Variants in ARHGEF6 observed in about 807,000 individuals in gnomAD.
ARHGEF6 encodes Rac/Cdc42 guanine nucleotide exchange factor 6, also known as rho guanine nucleotide exchange factor 6.
A neutral mutation model predicts 70.3 loss-of-function variants in ARHGEF6; 9 were observed. That is an observed-to-expected ratio of 0.13 (90% CI 0.08 to 0.22). The LOEUF (loss-of-function observed/expected upper bound fraction) is 0.22. Ranked by LOEUF, ARHGEF6 falls within the 10% of genes least tolerant of loss-of-function variation. The pLI, the probability that ARHGEF6 is intolerant of heterozygous loss-of-function variation, is 1.00. For synonymous variants in ARHGEF6, 201 were observed against 207.8 expected, an observed-to-expected ratio of 0.97 and a Z score of 0.28; for missense variants, 470 against 563.0, an observed-to-expected ratio of 0.83 and a Z score of 1.67.
In ARHGEF6 at chrX:136,780,932, T is replaced by A. The variant is rs1377307776; in HGVS notation, c.-50A>T. 2.5e-6 allele frequency: 3 copies of A among 1,209,781 alleles called. No homozygotes were observed. Among genetic ancestry groups the A allele is most frequent in the Non-Finnish European group, 3.4e-6 (3 of 894,738 alleles). ...AGCACTCTGGGGCAGCTGCAAGGAC[T>A]AAGCCACATCCGCGATTGCATCTGC... On this transcript the variant is annotated 5_prime_UTR_variant, in exon 1 of 22. Transcript: ENST00000250617.
At chrX:136,687,877 C>G in intron 11 of ARHGEF6, 55 bp downstream of exon 11, 1 of 1,039,110 alleles carries the variant, frequency 9.6e-7, no homozygotes, top group South Asian at 1.9e-5. Context: ...ACAAATCGCT[C>G]TTTCAGGAAT....
intron 6 of ARHGEF6, among the ~76,000 whole-genome samples, chrX:136,726,602 G>A (rs1210069676): frequency 8.9e-6 from 1 of 111,939 alleles, no homozygotes; most frequent in Non-Finnish European, 1.9e-5. Context: ...GGTTACCCGA[G>A]GCTTCCTAGG....
intron 6 of ARHGEF6, among the ~76,000 whole-genome samples, chrX:136,724,223 G>A (rs914302583): frequency 3.7e-5 from 4 of 109,285 alleles, no homozygotes; most frequent in African/African-American, 1.3e-4. Context: ...GGGACTACAG[G>A]TGCATGCTAC....
intron 2 of ARHGEF6, among the ~76,000 whole-genome samples, chrX:136,776,398 C>T (rs777556883): frequency 3.6e-5 from 4 of 111,690 alleles, no homozygotes; most frequent in African/African-American, 9.7e-5. Context: ...ATACTTACAG[C>T]CAACTGGTCT....
intron 6 of ARHGEF6, among the ~76,000 whole-genome samples, chrX:136,729,247 C>T (rs192674098): frequency 9.5e-6 from 1 of 105,534 alleles, no homozygotes; most frequent in East Asian, 3.0e-4. Context: ...GCGGGAGAAC[C>T]ACCTGAGGTC....
At chrX:136,743,231 C>A (rs183384486) in intron 5 of ARHGEF6, among the ~76,000 whole-genome samples, 1 of 106,488 alleles carries the variant, frequency 9.4e-6, no homozygotes, top group Admixed American at 1.0e-4. Context: ...CATGGCCTCT[C>A]TTATTATTGG....
At chrX:136,765,263 C>T (rs1382792281) in intron 2 of ARHGEF6, among the ~76,000 whole-genome samples, 1 of 112,237 alleles carries the variant, frequency 8.9e-6, no homozygotes, top group African/African-American at 3.2e-5. Flanking sequence ...TCCTCCTTTG[C>T]ATCTACGGTC....
intron 20 of ARHGEF6, among the ~76,000 whole-genome samples, chrX:136,671,058 A>G (rs746489370): frequency 1.5e-4 from 17 of 112,119 alleles, no homozygotes; most frequent in Non-Finnish European, 1.9e-5. Context: ...AGTTGTAAAA[A>G]TGAATATCGT....
In ARHGEF6 at chrX:136,668,172, A is replaced by G. The variant is rs2148559747; in HGVS notation, c.2191-3T>C. The G allele has an allele frequency of 8.3e-7, 1 of 1,210,508 alleles. No individual in the cohort carries two copies. The highest frequency in any genetic ancestry group is 1.7e-5 in the African/African-American group (1 of 57,561). ...CATTGCTTCATTCTTTTATTTTCCTATGATGGGGAAAGATTTGTTGATTAT... is the reference window on the plus strand; with the variant it reads ...CATTGCTTCATTCTTTTATTTTCCTGTGATGGGGAAAGATTTGTTGATTAT... On this transcript the variant is annotated splice_polypyrimidine_tract_variant and splice_region_variant and intron_variant, in intron 21 of 21. Transcript: ENST00000250617.
intron 2 of ARHGEF6, among the ~76,000 whole-genome samples, chrX:136,752,330 A>G (rs967848200): frequency 2.3e-4 from 26 of 111,940 alleles, no homozygotes; most frequent in Non-Finnish European, 4.3e-4. Flanking sequence ...ATTTGCCAAA[A>G]GAGGGGAAAA....
At chrX:136,687,847 T>C in intron 11 of ARHGEF6, 85 bp downstream of exon 11, 1 of 803,694 alleles carries the variant, frequency 1.2e-6, no homozygotes, top group Non-Finnish European at 1.9e-6. Flanking sequence ...GACCTTTGTA[T>C]AGGGAAAGAA....
At chrX:136,716,068 G>A (rs1228944432) in intron 6 of ARHGEF6, among the ~76,000 whole-genome samples, 1 of 112,407 alleles carries the variant, frequency 8.9e-6, no homozygotes, top group African/African-American at 3.2e-5. Flanking sequence ...AGCCTCCCTA[G>A]TAGCTGGGAT....
chrX:136,722,512 G>T (rs2076809274), intron 6 of ARHGEF6, among the ~76,000 whole-genome samples: 1 of 111,487 alleles, frequency 9.0e-6, no homozygotes, highest in Admixed American at 9.5e-5. Flanking sequence ...AATTTGAATA[G>T]AAATTTCTCC....
rs1403071912 is a variant in ARHGEF6, at chrX:136,679,019, A to AGAAGC, written c.1830+511_1830+515dup. Among the ~76,000 whole-genome samples, 4 of 112,030 alleles carry AGAAGC rather than the reference A, an allele frequency of 3.6e-5. 1 individual carries two copies. Among genetic ancestry groups the AGAAGC allele is most frequent in the Non-Finnish European group, 7.5e-5 (4 of 53,152 alleles). On this transcript the variant is annotated intron_variant, in intron 16 of 21. Transcript: ENST00000250617. ...CAAATGGCCTTTAAGGTTGTCTCTG[A>AGAAGC]GAAGCCTCTTTTTAAAAGACACTGC...
intron 16 of ARHGEF6, 105 bp from the exon 17 acceptor site, chrX:136,678,061 T>C (rs1304314765): frequency 5.4e-6 from 4 of 734,532 alleles, no homozygotes; most frequent in Non-Finnish European, 8.5e-6. Flanking sequence ...GAAATGTTAG[T>C]GTTATCATAA....
chrX:136,758,082 G>A (rs1412247668), intron 2 of ARHGEF6, among the ~76,000 whole-genome samples: 1 of 58,179 alleles, frequency 1.7e-5, no homozygotes, highest in South Asian at 1.1e-3. Flanking sequence ...ACGGAGTCTC[G>A]CTCTGTCGCC....
intron 2 of ARHGEF6, among the ~76,000 whole-genome samples, chrX:136,777,757 T>TACACACACACAC (rs1374390161): frequency 2.5e-5 from 1 of 39,629 alleles, no homozygotes; most frequent in African/African-American, 7.0e-5. Context: ...ATAATATGTA[T>TACACACACACAC]ACATACACAC....
At chrX:136,759,904 T>C (rs2077248357) in intron 2 of ARHGEF6, among the ~76,000 whole-genome samples, 1 of 112,210 alleles carries the variant, frequency 8.9e-6, no homozygotes, top group Non-Finnish European at 1.9e-5. Context: ...AGAACTTAAT[T>C]AGGAAGGTAA....
intron 14 of ARHGEF6, 100 bp downstream of exon 14, chrX:136,681,790 G>A (rs1476367274): frequency 2.3e-5 from 18 of 775,870 alleles, no homozygotes; most frequent in Non-Finnish European, 3.1e-5. Context: ...AAATTTGCTC[G>A]TGGCCTATGT....
Sources: gnomAD v4.1 joint callset for allele counts (sites outside exome capture counted in the v4.1 genomes callset) on GRCh38, gnomAD v4.1.1 for gene constraint, MANE v1.5 for transcripts, NCBI Gene and HGNC (gene_info 2026-07-23, HGNC 2026-07-21) for gene names.